RPTOR: variants seen among roughly 807,000 people sequenced by gnomAD.
The protein encoded by RPTOR is regulatory associated protein of MTOR complex 1, also known as regulatory-associated protein of mTOR.
A neutral mutation model predicts 169.9 loss-of-function variants in RPTOR; 21 were observed. The ratio of observed to expected loss-of-function variants is 0.12; its 90% CI spans 0.09 to 0.18. RPTOR has a LOEUF of 0.18. Ranked by LOEUF, RPTOR falls within the 10% of genes least tolerant of loss-of-function variation. The pLI, the probability that RPTOR is intolerant of heterozygous loss-of-function variation, is 1.00. For missense variants in RPTOR, 1,133 were observed against 1,855.9 expected, an observed-to-expected ratio of 0.61 and a Z score of 7.16; for synonymous variants, 732 against 753.2, an observed-to-expected ratio of 0.97 and a Z score of 0.46.
intron 12 of RPTOR, 104 bp downstream of exon 12, chr17:80,855,651 G>C: frequency 1.1e-6 from 1 of 886,490 alleles, no homozygotes; most frequent in South Asian, 1.4e-5. Flanking sequence ...GCCACCCCCA[G>C]CCGTGAGACC....
intron 9 of RPTOR, among the ~76,000 whole-genome samples, chr17:80,830,329 C>G (rs1384534395): frequency 1.3e-5 from 2 of 152,230 alleles, no homozygotes; most frequent in Non-Finnish European, 2.9e-5. Flanking sequence ...ACCCAGTTCT[C>G]TCATTTCCTC....
intron 30 of RPTOR, chr17:80,961,118 C>T: frequency 2.2e-6 from 1 of 453,828 alleles, no homozygotes; most frequent in South Asian, 4.8e-5. Flanking sequence ...CTCTGGGCAG[C>T]TTCCATGTGG....
intron 2 of RPTOR, among the ~76,000 whole-genome samples, chr17:80,640,411 T>C (rs932354627): frequency 6.6e-6 from 1 of 152,254 alleles, no homozygotes; most frequent in Non-Finnish European, 1.5e-5. Flanking sequence ...GACCTCATTC[T>C]TTCCCGTCTC....
At position 80,943,398 on chromosome 17, in the gene RPTOR, G is replaced by T. The variant is rs185436967; in HGVS notation, c.3026-2269G>T. 6.6e-5 allele frequency among the ~76,000 whole-genome samples: 10 copies of T among 152,358 alleles called. No homozygotes were observed. The South Asian group carries it at 1.0e-3, about 16-fold the overall frequency. On this transcript the variant is annotated intron_variant, in intron 25 of 33. Transcript: ENST00000306801. ...ATTAGGCTCCCAGACACTTTGAAGG[G>T]TGGGAAGGGCAGGGTTTATTGGGTG... is the stretch of plus-strand genomic sequence containing the variant.
chr17:80,689,655 C>T (rs1396008863), intron 3 of RPTOR, among the ~76,000 whole-genome samples: 2 of 152,224 alleles, frequency 1.3e-5, no homozygotes, highest in Non-Finnish European at 2.9e-5. Context: ...CTGATTCTAC[C>T]TTACACCATC....
chr17:80,600,060 C>G (rs2065174159), intron 1 of RPTOR, among the ~76,000 whole-genome samples: 1 of 152,246 alleles, frequency 6.6e-6, no homozygotes, highest in South Asian at 2.1e-4. Context: ...CTGTGAGCTC[C>G]GTTCCTAAGG....
chr17:80,927,799 C>T (rs908781876), intron 24 of RPTOR, among the ~76,000 whole-genome samples: 1 of 151,486 alleles, frequency 6.6e-6, no homozygotes. Flanking sequence ...GTCTCCTCTC[C>T]CTTTCTTCAG....
intron 6 of RPTOR, among the ~76,000 whole-genome samples, chr17:80,767,051 G>A (rs746316486): frequency 2.0e-5 from 3 of 152,134 alleles, no homozygotes; most frequent in Admixed American, 1.3e-4. Flanking sequence ...ATGAAAGAGG[G>A]CACATCCTTA....
At chr17:80,801,819 G>T (rs11654579) in intron 7 of RPTOR, 14,188 of 152,198 alleles carry the variant, frequency 0.093, 927 homozygotes, top group South Asian at 0.12. Context: ...AGGGGGAGGT[G>T]AGTGATTGGC....
chr17:80,940,694 A>T, intron 25 of RPTOR, 93 bp downstream of exon 25: 1 of 1,011,622 alleles, frequency 9.9e-7, no homozygotes, highest in South Asian at 1.5e-5. Context: ...CGGCCCACGC[A>T]CAACCTTCTC....
chr17:80,598,169 G>A (rs1359632153), intron 1 of RPTOR, among the ~76,000 whole-genome samples: 1 of 152,008 alleles, frequency 6.6e-6, no homozygotes, highest in African/African-American at 2.4e-5. Context: ...TGCTTGAGAT[G>A]TGGGGCGTGT....
chr17:80,721,385 G>A lies in RPTOR; in HGVS notation c.508-9175G>A, dbSNP rs1386059077. 6.6e-6 allele frequency among the ~76,000 whole-genome samples: 1 copy of A among 151,478 alleles called. No homozygotes were observed. The highest frequency in any genetic ancestry group is 1.5e-5 in the Non-Finnish European group (1 of 68,040). ...GTTGAGTAACCTCAGGGGTAAGCAA[G>A]GAGGTGTGAGAATCACTCACTTCCT... On this transcript the variant is annotated intron_variant, in intron 4 of 33. Transcript: ENST00000306801. This position sits in a 1 kb window ranked among gnomAD's most constrained non-coding sequence, Gnocchi z 4.7.
intron 3 of RPTOR, among the ~76,000 whole-genome samples, chr17:80,678,875 G>A (rs560983536): frequency 4.6e-5 from 7 of 152,304 alleles, no homozygotes; most frequent in South Asian, 2.1e-4. Context: ...GTGTGTCATC[G>A]CAGCCCTCTG....
intron 7 of RPTOR, among the ~76,000 whole-genome samples, chr17:80,793,624 T>C (rs531495868): frequency 1.5e-3 from 229 of 152,202 alleles, no homozygotes; most frequent in African/African-American, 5.1e-3. Context: ...CCATCCCCCC[T>C]GGTCACCTGT....
chr17:80,885,180 G>T, intron 17 of RPTOR, 32 bp downstream of exon 17: 1 of 1,546,058 alleles, frequency 6.5e-7, no homozygotes, highest in Non-Finnish European at 8.7e-7. Context: ...CAGCAGCAGG[G>T]CACCCAGGCT....
chr17:80,832,511 A>G (rs1376122807), intron 9 of RPTOR, among the ~76,000 whole-genome samples: 1 of 152,174 alleles, frequency 6.6e-6, no homozygotes, highest in Non-Finnish European at 1.5e-5. Flanking sequence ...CCCAGCTCCA[A>G]TGCTGTTCCT....
intron 3 of RPTOR, among the ~76,000 whole-genome samples, chr17:80,656,158 C>G (rs2065678079): frequency 6.6e-6 from 1 of 152,196 alleles, no homozygotes; most frequent in Non-Finnish European, 1.5e-5. Flanking sequence ...GCAACCTCTG[C>G]CTCCCAGGTT....
At chr17:80,963,805 ACCCCGTCCG>A (rs2069384018) in intron 33 of RPTOR, among the ~76,000 whole-genome samples, 1 of 98,276 alleles carries the variant, frequency 1.0e-5, no homozygotes. Context: ...TGCGGCCCTC[ACCCCGTCCG>A]CTGTGCGGCC....
At chr17:80,833,112 G>A (rs1314311802) in intron 9 of RPTOR, among the ~76,000 whole-genome samples, 1 of 31,178 alleles carries the variant, frequency 3.2e-5, no homozygotes, top group East Asian at 4.6e-4. Flanking sequence ...TTCCCGGGGC[G>A]GGCGCGCTCT....
Sources: allele counts gnomAD v4.1 joint callset (sites outside exome capture counted in the v4.1 genomes callset), GRCh38; gene constraint gnomAD v4.1.1; non-coding constraint Gnocchi (gnomAD v3.1); transcripts MANE v1.5; gene names NCBI Gene and HGNC (gene_info 2026-07-23, HGNC 2026-07-21).